The following CCZ1B variants were observed in gnomAD, a reference collection of about 807,000 sequenced individuals.
CCZ1B encodes the protein vacuolar fusion protein CCZ1 homolog B.
A neutral mutation model predicts 58.8 loss-of-function variants in CCZ1B; 25 were observed. The ratio of observed to expected loss-of-function variants is 0.43; its 90% CI spans 0.31 to 0.59. The LOEUF (loss-of-function observed/expected upper bound fraction) is 0.59. CCZ1B is among the 20% of genes least tolerant of loss of function. The probability of loss-of-function intolerance (pLI) is 0.12; values close to 1 mark genes in which losing one functional copy is unlikely to be tolerated. For synonymous variants in CCZ1B, 66 were observed against 173.2 expected (o/e 0.38, Z 4.86); for missense variants, 180 against 501.5 (o/e 0.36, Z 6.12).
rs544535911 is a variant in CCZ1B at position 6,823,927 on chromosome 7, A to T, written c.390+162T>A. On this transcript the variant is annotated intron_variant, in intron 4 of 14. Coordinates refer to ENST00000316731, the MANE Select transcript of CCZ1B (RefSeq NM_198097.5). ...GTGAGATTGGGTGCATATACATTTTAAAAAGATTGTGCTCATGTAAATGAT... is the reference window on the plus strand; with the variant it reads ...GTGAGATTGGGTGCATATACATTTTTAAAAGATTGTGCTCATGTAAATGAT... The T allele has an allele frequency of 7.0e-6, 6 of 851,100 alleles. No homozygotes were observed. The East Asian group carries it at 9.0e-5, about 13-fold the overall frequency. The allele number at this position is 851,100 out of a possible 1,614,324, so 52.7% of individuals were successfully genotyped here.
intron 7 of CCZ1B, among the ~76,000 whole-genome samples, chr7:6,816,229 C>T (rs1277854190): frequency 2.0e-5 from 3 of 149,048 alleles, no homozygotes; most frequent in Non-Finnish European, 4.4e-5. Context: ...CCTGTAATCC[C>T]AGCACTTGGG....
At chr7:6,821,916 G>C (rs1783117733) in intron 6 of CCZ1B, among the ~76,000 whole-genome samples, 1 of 149,728 alleles carries the variant, frequency 6.7e-6, no homozygotes, top group East Asian at 1.9e-4. Flanking sequence ...CCCTGAGATT[G>C]TGCAACTCCA....
At chr7:6,803,947 A>T (rs1263393271) in intron 12 of CCZ1B, among the ~76,000 whole-genome samples, 2 of 77,468 alleles carry the variant, frequency 2.6e-5, no homozygotes, top group Admixed American at 1.2e-4. Context: ...ACTCTGTCTT[A>T]AAAAAAAAAA....
intron 10 of CCZ1B, among the ~76,000 whole-genome samples, chr7:6,810,293 G>A (rs373120218): frequency 6.7e-6 from 1 of 149,288 alleles, no homozygotes; most frequent in Non-Finnish European, 1.5e-5. Flanking sequence ...GATTATAGGC[G>A]TGAGCCACCA....
At chr7:6,823,514 TC>T (rs1429051242) in intron 4 of CCZ1B, among the ~76,000 whole-genome samples, 154 bp from the exon 5 acceptor site, 103 of 130,820 alleles carry the variant, frequency 7.9e-4, no homozygotes, top group African/African-American at 3.1e-3. Context: ...GTGTTTGCGT[TC>T]TTTTTTTTTT....
At chr7:6,821,018 T>G (rs1033632676) in intron 6 of CCZ1B, among the ~76,000 whole-genome samples, 1 of 149,340 alleles carries the variant, frequency 6.7e-6, no homozygotes, top group Middle Eastern at 3.4e-3. Flanking sequence ...CCATCTTTAT[T>G]TCCCCCCCGA....
chr7:6,814,337 C>G (rs1782964178), intron 8 of CCZ1B, among the ~76,000 whole-genome samples: 1 of 149,202 alleles, frequency 6.7e-6, no homozygotes, highest in Non-Finnish European at 1.5e-5. Flanking sequence ...GAGTTCGAGA[C>G]CAGCCTGGCC....
Sources: allele counts gnomAD v4.1 joint callset (sites outside exome capture counted in the v4.1 genomes callset), GRCh38; gene constraint gnomAD v4.1.1; transcripts MANE v1.5; gene names NCBI Gene and HGNC (gene_info 2026-07-23, HGNC 2026-07-21).